BCAS4: variants seen among roughly 807,000 people sequenced by gnomAD.
BCAS4 encodes the protein breast carcinoma-amplified sequence 4.
BCAS4 carries 9 observed loss-of-function variants against 15.7 expected under a neutral mutation model. That is an observed-to-expected ratio of 0.57 (90% CI 0.34 to 1.00). BCAS4 has a LOEUF of 1.00. Ranked by LOEUF, BCAS4 falls within the 50% of genes least tolerant of loss-of-function variation. The probability of loss-of-function intolerance (pLI) is 0.02; values close to 1 mark genes in which losing one functional copy is unlikely to be tolerated. For synonymous variants in BCAS4, 101 were observed against 99.5 expected, an observed-to-expected ratio of 1.02 and a Z score of -0.09; for missense variants, 225 against 239.1, an observed-to-expected ratio of 0.94 and a Z score of 0.39.
chr20:50,869,873 C>T (rs58191048), intron 4 of BCAS4, among the ~76,000 whole-genome samples: 8,473 of 151,574 alleles, frequency 0.056, 514 homozygotes, highest in African/African-American at 0.15. Context: ...CTCAGCCTCC[C>T]AAGTAGCTGG....
chr20:50,875,977 T>G, intron 4 of BCAS4: 1 of 456,188 alleles, frequency 2.2e-6, no homozygotes, highest in South Asian at 1.5e-5. Flanking sequence ...CCCGAGACAT[T>G]GTCTCACTCT....
chr20:50,807,831 T>C (rs1220078813), intron 1 of BCAS4, among the ~76,000 whole-genome samples: 2 of 152,188 alleles, frequency 1.3e-5, no homozygotes, highest in Non-Finnish European at 2.9e-5. Flanking sequence ...CTGCTGCAAA[T>C]GCCATTATTT....
intron 1 of BCAS4, among the ~76,000 whole-genome samples, chr20:50,806,982 G>T (rs369152690): frequency 2.9e-5 from 4 of 135,888 alleles, no homozygotes; most frequent in African/African-American, 1.1e-4. Flanking sequence ...AATAATTCTT[G>T]TGTCTCAGCC....
intron 1 of BCAS4, among the ~76,000 whole-genome samples, chr20:50,802,919 T>C (rs2087945733): frequency 6.6e-6 from 1 of 151,348 alleles, no homozygotes; most frequent in South Asian, 2.1e-4. Context: ...TGGTGGCTCA[T>C]GCCTGTAATC....
chr20:50,841,109 C>A (rs188292657), intron 3 of BCAS4, among the ~76,000 whole-genome samples: 1 of 152,178 alleles, frequency 6.6e-6, no homozygotes, highest in Non-Finnish European at 1.5e-5. Flanking sequence ...GGATTACAGG[C>A]GTGAGCCACC....
intron 3 of BCAS4, among the ~76,000 whole-genome samples, chr20:50,841,110 G>A (rs1215360760): frequency 3.3e-5 from 5 of 152,284 alleles, no homozygotes; most frequent in East Asian, 1.9e-4. Flanking sequence ...GATTACAGGC[G>A]TGAGCCACCG....
At chr20:50,858,925 C>CTAT (rs56152037) in intron 4 of BCAS4, among the ~76,000 whole-genome samples, 40,018 of 144,388 alleles carry the variant, frequency 0.28, 6,636 homozygotes, top group African/African-American at 0.48. Flanking sequence ...CAGGCTCTTG[C>CTAT]TATTATTATT....
rs1978417371 is a variant in BCAS4, at chr20:50,851,477, GC to G, written c.399+9578del. Among the ~76,000 whole-genome samples, 1 of 152,130 alleles carries G rather than the reference GC, an allele frequency of 6.6e-6. No individual in the cohort carries two copies. Among genetic ancestry groups the G allele is most frequent in the South Asian group, 2.1e-4 (1 of 4,826 alleles). ...TTGGGAATCAAATTGTGTTTTTCAGGCATTTCATTCTTGCTGAGATTTTGAG... is the reference window on the plus strand; with the variant it reads ...TTGGGAATCAAATTGTGTTTTTCAGGATTTCATTCTTGCTGAGATTTTGAG... On this transcript the variant is annotated intron_variant, in intron 4 of 4. Transcript: ENST00000371608. This position sits in a 1 kb window ranked among gnomAD's most constrained non-coding sequence, Gnocchi z 4.3.
chr20:50,803,160 C>T (rs1245140871), intron 1 of BCAS4, among the ~76,000 whole-genome samples: 1 of 152,134 alleles, frequency 6.6e-6, no homozygotes, highest in Non-Finnish European at 1.5e-5. Context: ...CAGCCTGGGC[C>T]ACAGAGCAAG....
chr20:50,803,993 A>C (rs1435542740), intron 1 of BCAS4, among the ~76,000 whole-genome samples: 1 of 152,068 alleles, frequency 6.6e-6, no homozygotes, highest in African/African-American at 2.4e-5. Flanking sequence ...GTAGAAAATG[A>C]ATTTTAGGGA....
chr20:50,847,172 C>T (rs2088556082), intron 4 of BCAS4, among the ~76,000 whole-genome samples: 6 of 151,792 alleles, frequency 4.0e-5, no homozygotes, highest in Admixed American at 3.3e-4. Flanking sequence ...CTGCAACCTC[C>T]GCTTCCTGGG....
intron 4 of BCAS4, among the ~76,000 whole-genome samples, chr20:50,848,271 A>G (rs1270503797): frequency 6.6e-6 from 1 of 152,156 alleles, no homozygotes; most frequent in Non-Finnish European, 1.5e-5. Context: ...AATAAAATGT[A>G]CAAAAAATTA....
At chr20:50,840,682 G>T (rs560856363) in intron 3 of BCAS4, 8 of 1,612,980 alleles carry the variant, frequency 5.0e-6, no homozygotes, top group African/African-American at 1.3e-5. Context: ...TTTCTCTTGC[G>T]TCTCTGTCTT....
intron 1 of BCAS4, among the ~76,000 whole-genome samples, chr20:50,808,685 G>T (rs1175699443): frequency 6.6e-6 from 1 of 151,928 alleles, no homozygotes; most frequent in African/African-American, 2.4e-5. Flanking sequence ...CATGTCCTTT[G>T]CTCACTTTTT....
intron 4 of BCAS4, among the ~76,000 whole-genome samples, chr20:50,872,880 C>A (rs1979727886): frequency 6.6e-6 from 1 of 152,256 alleles, no homozygotes; most frequent in South Asian, 2.1e-4. Flanking sequence ...TCTGGTCTTC[C>A]AGGCCAGTGG....
At position 50,851,424 on chromosome 20, in the gene BCAS4, G is replaced by C. The variant is rs542708711; in HGVS notation, c.399+9524G>C. Among the ~76,000 whole-genome samples the C allele has an allele frequency of 6.6e-6, 1 of 152,196 alleles. No homozygotes were observed. Among genetic ancestry groups the C allele is most frequent in the Non-Finnish European group, 1.5e-5 (1 of 68,030 alleles). On this transcript the variant is annotated intron_variant, in intron 4 of 4. Coordinates refer to ENST00000371608, the MANE Select transcript of BCAS4 (RefSeq NM_198799.4). This position sits in a 1 kb window ranked among gnomAD's most constrained non-coding sequence, Gnocchi z 4.3. ...CAAGGTCTTTGGTGGAGTGCTATAG[G>C]GGGACGGAGGGTTCCTGGCAGGCTG...
At chr20:50,797,864 C>T (rs1005937018) in intron 1 of BCAS4, among the ~76,000 whole-genome samples, 12 of 151,938 alleles carry the variant, frequency 7.9e-5, no homozygotes, top group African/African-American at 2.9e-4. Flanking sequence ...AGGGTTCCTC[C>T]ATGTTGGTCA....
At chr20:50,810,240 TGAG>T (rs2088043399) in intron 1 of BCAS4, among the ~76,000 whole-genome samples, 2 of 151,890 alleles carry the variant, frequency 1.3e-5, no homozygotes, top group South Asian at 2.1e-4. Context: ...TCAGAAGCTT[TGAG>T]GTCTCTCGAG....
chr20:50,809,711 A>G (rs763403996), intron 1 of BCAS4, among the ~76,000 whole-genome samples: 1 of 152,144 alleles, frequency 6.6e-6, no homozygotes, highest in Non-Finnish European at 1.5e-5. Context: ...GGTCATTTTC[A>G]CAATATTGAT....
Sources: gnomAD v4.1 joint callset for allele counts (sites outside exome capture counted in the v4.1 genomes callset) on GRCh38, gnomAD v4.1.1 for gene constraint, Gnocchi (gnomAD v3.1) non-coding constraint, MANE v1.5 for transcripts, NCBI Gene and HGNC (gene_info 2026-07-23, HGNC 2026-07-21) for gene names.